Variants in NT5DC3 observed in about 807,000 individuals in gnomAD.
The protein encoded by NT5DC3 is 5'-nucleotidase domain containing 3, also known as 5'-nucleotidase domain-containing protein 3.
NT5DC3 carries 42 observed loss-of-function variants against 67.8 expected under a neutral mutation model. That is an observed-to-expected ratio of 0.62 (90% CI 0.48 to 0.80). NT5DC3 has a LOEUF of 0.80. Ranked by LOEUF, NT5DC3 falls within the 30% of genes least tolerant of loss-of-function variation. NT5DC3 has a pLI of 0.00. For synonymous variants in NT5DC3, 237 were observed against 255.6 expected (o/e 0.93, Z 0.69); for missense variants, 570 against 696.4 (o/e 0.82, Z 2.04).
chr12:103,759,664 T>C, the NT5DC3 span, among the ~76,000 whole-genome samples: 2 of 151,884 alleles, frequency 1.3e-5, no homozygotes, highest in Admixed American at 1.3e-4. Context: ...TCCCTGTGTC[T>C]CAATTTCCCC....
chr12:103,755,825 C>A, the NT5DC3 span: 1 of 1,055,696 alleles, frequency 9.5e-7, no homozygotes, highest in Non-Finnish European at 1.4e-6. Context: ...CAGTTAAGAG[C>A]ATGGGTGCTG....
At chr12:103,759,568 A>C in the NT5DC3 span, among the ~76,000 whole-genome samples, 1 of 152,192 alleles carries the variant, frequency 6.6e-6, no homozygotes, top group Non-Finnish European at 1.5e-5. Flanking sequence ...CCAGGCATTA[A>C]CATGAGCTCC....
At position 103,804,688 on chromosome 12, in the gene NT5DC3, T is replaced by C. The variant is rs550916597; in HGVS notation, c.524+1634A>G. ...AAAACTAGGCAAACAAAAACTGAGA[T>C]TATTGTTAAAATCTAAGAAAAACAA... is the stretch of plus-strand genomic sequence containing the variant. On this transcript the variant is annotated intron_variant, in intron 4 of 13. Transcript: ENST00000392876. Among the ~76,000 whole-genome samples the C allele has an allele frequency of 3.3e-5, 5 of 152,228 alleles. No homozygotes were observed. In the South Asian group the frequency reaches 1.0e-3, roughly 32 times the overall value.
rs140842898 is a variant in NT5DC3, at chr12:103,781,133, G to A, written c.1330-769C>T. The stretch of plus-strand genomic sequence containing the variant: ...TGGAATCTCACAAGTCCCTCTCCAA[G>A]GTTCTTATGGCTAAACAGAAACACT... On this transcript the variant is annotated intron_variant, in intron 12 of 13. Transcript: ENST00000392876. Among the ~76,000 whole-genome samples the A allele has an allele frequency of 4.6e-5, 7 of 152,248 alleles. No homozygotes were observed. In the East Asian group the frequency reaches 1.4e-3, roughly 29 times the overall value.
downstream of NT5DC3, among the ~76,000 whole-genome samples, chr12:103,769,610 T>C (rs1016229745): frequency 5.3e-5 from 8 of 152,226 alleles, no homozygotes; most frequent in African/African-American, 1.4e-4. Flanking sequence ...TCCAGGCTCC[T>C]TGTTACTGCC....
At chr12:103,761,882 A>C in the NT5DC3 span, among the ~76,000 whole-genome samples, 1 of 152,204 alleles carries the variant, frequency 6.6e-6, no homozygotes, top group Admixed American at 6.5e-5. Context: ...GGTGGTTGTT[A>C]GTATTCTTTT....
At chr12:103,831,737 C>A (rs1887935318) in intron 1 of NT5DC3, among the ~76,000 whole-genome samples, 1 of 150,166 alleles carries the variant, frequency 6.7e-6, no homozygotes, top group African/African-American at 2.5e-5. Context: ...GTCACACCTT[C>A]AAGGCTGGTC....
chr12:103,767,702 G>GTGAT (rs759581187), downstream of NT5DC3, among the ~76,000 whole-genome samples: 3 of 152,140 alleles, frequency 2.0e-5, no homozygotes, highest in East Asian at 1.9e-4. Flanking sequence ...CACTGCAAGA[G>GTGAT]TGATTGATTT....
the NT5DC3 span, among the ~76,000 whole-genome samples, chr12:103,762,609 C>G: frequency 1.3e-5 from 2 of 152,212 alleles, no homozygotes; most frequent in South Asian, 2.1e-4. Flanking sequence ...TGGTTCCAAG[C>G]CCCTCCTTCT....
chr12:103,812,098 A>T (rs1036128404), intron 2 of NT5DC3, among the ~76,000 whole-genome samples: 47 of 152,270 alleles, frequency 3.1e-4, no homozygotes, highest in Middle Eastern at 3.4e-3. Context: ...CTCAATTTTT[A>T]AAAAAATTTC....
At chr12:103,828,707 T>A (rs1170221500) in intron 1 of NT5DC3, among the ~76,000 whole-genome samples, 3 of 149,860 alleles carry the variant, frequency 2.0e-5, no homozygotes, top group South Asian at 4.2e-4. Flanking sequence ...TTTTTATTTT[T>A]TTTTTTTGGA....
rs3812805 is a variant in NT5DC3, at chr12:103,777,094, C to T, written c.*735G>A. The stretch of plus-strand genomic sequence containing the variant: ...CACTCGTTTCTTGCAGAAGGCTCTA[C>T]AGAAGGCTGTTCCACTAGCTGGCAG... On this transcript the variant is annotated 3_prime_UTR_variant, in exon 14 of 14. Coordinates refer to ENST00000392876, the MANE Select transcript of NT5DC3 (RefSeq NM_001031701.3). The T allele has an allele frequency of 0.26, 39,183 of 152,160 alleles. 5,683 individuals carry two copies. Among genetic ancestry groups the T allele is most frequent in the South Asian group, 0.47 (2,271 of 4,828 alleles). 9.4% of individuals were successfully genotyped at this position (152,160 alleles called of 1,614,324 possible). A position where few individuals can be genotyped will look rare whatever the true frequency, so the allele number is the denominator to read the frequency against.
intron 6 of NT5DC3, among the ~76,000 whole-genome samples, chr12:103,794,737 A>G (rs1886237189): frequency 6.6e-6 from 1 of 152,228 alleles, no homozygotes. Flanking sequence ...AGAGACAAAT[A>G]GCTTACAAGT....
At chr12:103,753,328 A>G in the NT5DC3 span, 1 of 1,614,220 alleles carries the variant, frequency 6.2e-7, no homozygotes, top group Non-Finnish European at 8.5e-7. Flanking sequence ...ATGGCAACCT[A>G]CAACCAGCTC....
At chr12:103,764,981 G>A in the NT5DC3 span, among the ~76,000 whole-genome samples, 11 of 151,366 alleles carry the variant, frequency 7.3e-5, no homozygotes, top group Admixed American at 2.0e-4. Context: ...CCAGCTACAC[G>A]GGAGGCTGAG....
intron 1 of NT5DC3, among the ~76,000 whole-genome samples, chr12:103,823,418 C>G (rs56143748): frequency 0.1 from 15,419 of 152,108 alleles, 1,118 homozygotes; most frequent in East Asian, 0.29. Context: ...ACCCATTTCA[C>G]AGAGGAAAAT....
Position 103,788,933 on chromosome 12 carries a change from T to C in NT5DC3, c.1020-14A>G, listed in dbSNP as rs761575291. On this transcript the variant is annotated splice_polypyrimidine_tract_variant and intron_variant, in intron 9 of 13. Coordinates refer to ENST00000392876, the MANE Select transcript of NT5DC3 (RefSeq NM_001031701.3). ...TTTCGGAAAGGCCTAACAACAGAAA[T>C]GGGAAACATTATGACATGGAGTAGT... 7 of 1,553,568 alleles carry C rather than the reference T, an allele frequency of 4.5e-6. No individual in the cohort carries two copies. Among genetic ancestry groups the C allele is most frequent in the Middle Eastern group, 1.7e-4 (1 of 5,976 alleles).
At chr12:103,826,827 C>T (rs759675671) in intron 1 of NT5DC3, among the ~76,000 whole-genome samples, 2 of 152,238 alleles carry the variant, frequency 1.3e-5, no homozygotes, top group Non-Finnish European at 2.9e-5. Flanking sequence ...CACCACAGAA[C>T]TTTGCACAAA....
chr12:103,749,152 GC>G, the NT5DC3 span: 1 of 1,595,694 alleles, frequency 6.3e-7, no homozygotes, highest in Non-Finnish European at 8.6e-7. Context: ...AAGATGACAG[GC>G]CCGGTGAGTC....
Sources: allele counts gnomAD v4.1 joint callset (sites outside exome capture counted in the v4.1 genomes callset), GRCh38; gene constraint gnomAD v4.1.1; transcripts MANE v1.5; gene names NCBI Gene and HGNC (gene_info 2026-07-23, HGNC 2026-07-21).